Variants in PRDM5 observed in about 807,000 individuals in gnomAD.
The protein encoded by PRDM5 is PR domain zinc finger protein 5.
Under a neutral mutation model 81.2 loss-of-function variants are expected in PRDM5, and 56 were observed. The ratio of observed to expected loss-of-function variants is 0.69; its 90% confidence interval spans 0.56 to 0.86. The LOEUF is 0.86. PRDM5 is among the 40% of genes least tolerant of loss of function. The pLI, the probability that PRDM5 is intolerant of heterozygous loss-of-function variation, is 0.00. For synonymous variants in PRDM5, 267 were observed against 256.4 expected, an observed-to-expected ratio of 1.04 and a Z score of -0.39; for missense variants, 697 against 770.1, an observed-to-expected ratio of 0.91 and a Z score of 1.12.
chr4:120,905,537 A>G (rs1480572684), intron 2 of PRDM5, among the ~76,000 whole-genome samples: 1 of 152,172 alleles, frequency 6.6e-6, no homozygotes, highest in Non-Finnish European at 1.5e-5. Context: ...CCATTTAGTC[A>G]CAGCCCTTAA....
intron 10 of PRDM5, among the ~76,000 whole-genome samples, chr4:120,791,727 G>C (rs944115984): frequency 1.3e-5 from 2 of 152,080 alleles, no homozygotes; most frequent in African/African-American, 4.8e-5. Flanking sequence ...CTCAATGTTT[G>C]TGTCCGACCA....
intron 8 of PRDM5, among the ~76,000 whole-genome samples, chr4:120,803,052 T>C (rs1561297854): frequency 6.6e-6 from 1 of 151,952 alleles, no homozygotes. Flanking sequence ...AAGAACTACA[T>C]GACAAATGCA....
intron 14 of PRDM5, among the ~76,000 whole-genome samples, chr4:120,714,752 C>A (rs545640041): frequency 2.6e-5 from 4 of 152,210 alleles, no homozygotes; most frequent in Admixed American, 2.6e-4. Flanking sequence ...AATCCTGTGA[C>A]CCCTAGGTTG....
At chr4:120,884,325 G>A (rs925320513) in intron 2 of PRDM5, among the ~76,000 whole-genome samples, 2 of 151,996 alleles carry the variant, frequency 1.3e-5, no homozygotes, top group African/African-American at 4.8e-5. Flanking sequence ...AACATAACCT[G>A]GTTGATATTT....
chr4:120,695,317 A>G (rs1324498728), intron 15 of PRDM5, 42 bp from the exon 16 acceptor site: 7 of 1,606,250 alleles, frequency 4.4e-6, no homozygotes, highest in Non-Finnish European at 3.4e-6. Context: ...ACTGAAATAA[A>G]CAAAATTTAT....
chr4:120,754,468 T>C, intron 14 of PRDM5, 85 bp downstream of exon 14: 1 of 942,296 alleles, frequency 1.1e-6, no homozygotes, highest in Non-Finnish European at 1.6e-6. Context: ...ATTGCCTTTA[T>C]TTTGTAATAT....
intron 10 of PRDM5, among the ~76,000 whole-genome samples, chr4:120,792,768 A>C (rs763684404): frequency 1.3e-5 from 2 of 152,212 alleles, no homozygotes; most frequent in Admixed American, 6.5e-5. Flanking sequence ...AACATTAATG[A>C]ACATGGAGGA....
rs1200346729 is a variant in PRDM5, at chr4:120,777,243, A to G, written c.1482T>C (p.Cys494=). The G allele has an allele frequency of 3.1e-6, 5 of 1,613,384 alleles. No homozygotes were observed. Among genetic ancestry groups the G allele is most frequent in the East Asian group, 4.5e-5 (2 of 44,856 alleles). The change falls in exon 13 of 16, where the codon TGT becomes TGC. Residue 494 remains cysteine, a synonymous_variant. Transcript: ENST00000264808. ...TGEKEKICPY[C]GQKFASSGTL... is the part of the protein sequence containing the mutation. ...TACCACTGCTGGCAAATTTCTGGCCACAATATGGACAGATTTTCTCCTTTT... is the reference window on the plus strand; with the variant it reads ...TACCACTGCTGGCAAATTTCTGGCCGCAATATGGACAGATTTTCTCCTTTT...
intron 3 of PRDM5, 35 bp downstream of exon 3, chr4:120,853,382 CA>C: frequency 6.2e-7 from 1 of 1,613,314 alleles, no homozygotes; most frequent in Non-Finnish European, 8.5e-7. Context: ...TCCCCCCTCA[CA>C]GTGCATAGTA....
rs188715571 is a variant in PRDM5, at chr4:120,736,962, C to T, written c.1623+17591G>A. Among the ~76,000 whole-genome samples, 218 of 152,240 alleles carry T rather than the reference C, an allele frequency of 1.4e-3. 3 individuals are homozygous for T. Among genetic ancestry groups the T allele is most frequent in the African/African-American group, 4.7e-3 (196 of 41,534 alleles). On this transcript the variant is annotated intron_variant, in intron 14 of 15. Transcript: ENST00000264808. ...GTTTTAATCTTAACCCCTAATAACACCATTTTCATTCATTTCCATCCCAGT... is the reference window on the plus strand; with the variant it reads ...GTTTTAATCTTAACCCCTAATAACATCATTTTCATTCATTTCCATCCCAGT...
At chr4:120,915,779 A>T (rs1724078318) in intron 1 of PRDM5, among the ~76,000 whole-genome samples, 1 of 152,164 alleles carries the variant, frequency 6.6e-6, no homozygotes, top group African/African-American at 2.4e-5. Flanking sequence ...GACACAAGTT[A>T]AAAGATTAGC....
chr4:120,873,159 A>T (rs1252291412), intron 2 of PRDM5, among the ~76,000 whole-genome samples: 4 of 152,030 alleles, frequency 2.6e-5, no homozygotes, highest in Non-Finnish European at 4.4e-5. Context: ...GTGACACCAT[A>T]TCTGGCTAAT....
chr4:120,867,161 C>T (rs951247601), intron 2 of PRDM5, among the ~76,000 whole-genome samples: 1 of 152,056 alleles, frequency 6.6e-6, no homozygotes, highest in African/African-American at 2.4e-5. Context: ...TCCTCAAAGC[C>T]TCCTAATAAG....
intron 10 of PRDM5, among the ~76,000 whole-genome samples, chr4:120,791,040 AG>A (rs1337979257): frequency 6.6e-6 from 1 of 152,230 alleles, no homozygotes; most frequent in Non-Finnish European, 1.5e-5. Context: ...GACTGAAAAT[AG>A]AAGACTAACA....
At chr4:120,758,237 C>A (rs991592901) in intron 13 of PRDM5, among the ~76,000 whole-genome samples, 6 of 152,116 alleles carry the variant, frequency 3.9e-5, no homozygotes, top group Non-Finnish European at 2.9e-5. Context: ...TATAAATATG[C>A]TATTGGTTCT....
chr4:120,874,573 C>T (rs1415935433), intron 2 of PRDM5, among the ~76,000 whole-genome samples: 1 of 152,016 alleles, frequency 6.6e-6, no homozygotes, highest in Non-Finnish European at 1.5e-5. Flanking sequence ...AAAAAAAAAT[C>T]ATTTTAAAAT....
chr4:120,686,586 G>T (rs1010834259), intron 1 of PRDM5, among the ~76,000 whole-genome samples: 5 of 151,924 alleles, frequency 3.3e-5, no homozygotes, highest in Non-Finnish European at 1.5e-5. Context: ...CTAGCTAAAG[G>T]TGTAATTTTC....
Position 120,713,932 on chromosome 4 carries a change from T to A in PRDM5, c.1624-3519A>T, listed in dbSNP as rs1001471578. The stretch of plus-strand genomic sequence containing the variant: ...CTGTCCTCACATGGTGGAAGGAAAG[T>A]ACTCTGGTCTCTTCAGTTCCTTATA... On this transcript the variant is annotated intron_variant, in intron 14 of 15. Coordinates refer to ENST00000264808, the MANE Select transcript of PRDM5 (RefSeq NM_018699.4). 5.3e-4 allele frequency among the ~76,000 whole-genome samples: 80 copies of A among 152,264 alleles called. 1 individual carries two copies. Among genetic ancestry groups the A allele is most frequent in the African/African-American group, 1.9e-3 (77 of 41,558 alleles).
intron 2 of PRDM5, chr4:120,896,876 G>A (rs1321960041): frequency 1.3e-5 from 2 of 151,988 alleles, no homozygotes; most frequent in Non-Finnish European, 2.9e-5. Flanking sequence ...GTAGAGACGG[G>A]GTTTCATCGT....
Sources: gnomAD v4.1 joint callset for allele counts (sites outside exome capture counted in the v4.1 genomes callset) on GRCh38, gnomAD v4.1.1 for gene constraint, MANE v1.5 for transcripts, NCBI Gene and HGNC (gene_info 2026-07-23, HGNC 2026-07-21) for gene names.